Variants in UPF3A observed in about 807,000 individuals in gnomAD.
The protein encoded by UPF3A is regulator of nonsense transcripts 3A.
UPF3A carries 42 observed loss-of-function variants against 53.5 expected under a neutral mutation model. That is an observed-to-expected ratio of 0.78 (90% CI 0.61 to 1.01). UPF3A has a LOEUF of 1.01. UPF3A is among the 50% of genes least tolerant of loss of function. UPF3A has a pLI of 0.00. For synonymous variants in UPF3A, 237 were observed against 225.3 expected (o/e 1.05, Z -0.47); for missense variants, 575 against 598.0 (o/e 0.96, Z 0.40).
chr13:114,293,639 T>C (rs1476372064), intron 7 of UPF3A, among the ~76,000 whole-genome samples: 1 of 152,168 alleles, frequency 6.6e-6, no homozygotes, highest in Admixed American at 6.5e-5. Flanking sequence ...TCCTCAGTAC[T>C]AAACCTAGAT....
rs149323560 is a variant in UPF3A, at chr13:114,291,653, G to T, written c.707G>T (p.Arg236Leu). Residue 236 changes from arginine (R) to leucine (L), a missense_variant, in exon 7 of 10, where the codon CGA becomes CTA. Coordinates refer to ENST00000375299, the MANE Select transcript of UPF3A (RefSeq NM_023011.4). ...LEKQRIREEK[R>L]EERRRRELEK... is the part of the protein sequence containing the mutation. ...CTTTAGAGAATTCGAGAAGAGAAGC[G>T]AGAAGAACGGAGGAGGAGAGAGTTA... 1.2e-6 allele frequency: 2 copies of T among 1,604,804 alleles called. No individual in the cohort carries two copies. The highest frequency in any genetic ancestry group is 1.1e-5 in the South Asian group (1 of 87,752).
At chr13:114,286,461 A>G (rs2084700360) in intron 4 of UPF3A, 58 bp from the exon 5 acceptor site, 1 of 1,612,044 alleles carries the variant, frequency 6.2e-7, no homozygotes, top group Admixed American at 1.7e-5. Context: ...GAGCAAATGT[A>G]ATTCTCCCGT....
chr13:114,297,132 C>CT (rs1424378260), intron 7 of UPF3A, among the ~76,000 whole-genome samples: 1 of 152,004 alleles, frequency 6.6e-6, no homozygotes, highest in Non-Finnish European at 1.5e-5. Context: ...TGTGTATGGT[C>CT]TTGCTATGCT....
Position 114,305,130 on chromosome 13 carries a change from C to T in UPF3A, c.*213C>T. ...AGAATTCTCACAGATTTTACCATTC[C>T]TGTTATAAACTAGTATTTGTTGTTT... On this transcript the variant is annotated 3_prime_UTR_variant, in exon 10 of 10. Transcript: ENST00000375299. The T allele has an allele frequency of 1.9e-6, 1 of 521,342 alleles. No individual in the cohort carries two copies. The highest frequency in any genetic ancestry group is 3.5e-6 in the Non-Finnish European group (1 of 287,380). 32.3% of individuals were successfully genotyped at this position (521,342 alleles called of 1,614,324 possible). A position where few individuals can be genotyped will look rare whatever the true frequency, so the allele number is the denominator to read the frequency against.
Position 114,286,567 on chromosome 13 carries a change from A to C in UPF3A, c.569A>C (p.Lys190Thr). 6.2e-7 allele frequency: 1 copy of C among 1,614,102 alleles called. No homozygotes were observed. Among genetic ancestry groups the C allele is most frequent in the Non-Finnish European group, 8.5e-7 (1 of 1,179,966 alleles). Residue 190 changes from lysine (K) to threonine (T), a missense_variant, in exon 5 of 10, where the codon AAG becomes ACG. This residue lies in a region of UPF3A where 323 missense variants were observed against 415.2 expected (regional missense o/e 0.78). Coordinates refer to ENST00000375299, the MANE Select transcript of UPF3A (RefSeq NM_023011.4). ...FLETYCVEEE[K>T]TSANPETLLG... ...GAAACCTACTGTGTGGAGGAAGAGA[A>C]GACCAGTGCCAACCCTGAGACTCTG... is the stretch of plus-strand genomic sequence containing the variant.
In UPF3A at chr13:114,304,832, G is replaced by A. The variant is rs370142973; in HGVS notation, c.1346G>A (p.Arg449Gln). Residue 449 changes from arginine to glutamine, a missense_variant, in exon 10 of 10, where the codon CGA (arginine) becomes CAA (glutamine). Physicochemically the swap from Arg to Gln is conservative, Grantham distance 43. Coordinates refer to ENST00000375299, the MANE Select transcript of UPF3A (RefSeq NM_023011.4). ...CTGTATGATCCAGGAGCTCGCTTCC[G>A]AGCGCGAGAGTGTGGCGGAAACAGG... Reference protein sequence around the residue: ...LQLYDPGARFRARECGGNRRI... With the variant: ...LQLYDPGARFQARECGGNRRI... 1.1e-5 allele frequency: 18 copies of A among 1,613,716 alleles called. No homozygotes were observed. Among genetic ancestry groups the A allele is most frequent in the East Asian group, 2.2e-5 (1 of 44,882 alleles).
At chr13:114,296,336 C>T (rs989127398) in intron 7 of UPF3A, among the ~76,000 whole-genome samples, 14 of 152,040 alleles carry the variant, frequency 9.2e-5, no homozygotes, top group Non-Finnish European at 2.1e-4. Flanking sequence ...GAGCCGAGAT[C>T]GCGTCACTGC....
chr13:114,281,634 T>G lies in UPF3A; in HGVS notation c.-6T>G, dbSNP rs777640287. The stretch of plus-strand genomic sequence containing the variant: ...CTGGCGGCTGCGGCTCGGCGGAGAG[T>G]GCGGCATGCGCTCGGAAAAGGAGGG... On this transcript the variant is annotated 5_prime_UTR_variant, in exon 1 of 10. Transcript: ENST00000375299. The G allele has an allele frequency of 5.7e-5, 82 of 1,442,610 alleles. No homozygotes were observed. The East Asian group carries it at 9.8e-4, about 17-fold the overall frequency. The allele number at this position is 1,442,610 out of a possible 1,614,324, so 89.4% of individuals were successfully genotyped here. A position where few individuals can be genotyped will look rare whatever the true frequency, so the allele number is the denominator to read the frequency against.
intron 5 of UPF3A, among the ~76,000 whole-genome samples, chr13:114,287,911 A>G (rs2084887655): frequency 1.3e-5 from 2 of 152,212 alleles, no homozygotes; most frequent in Admixed American, 6.5e-5. Flanking sequence ...AGTTCAGGCC[A>G]TTCTTCTGCC....
rs1200609834 is a variant in UPF3A, at chr13:114,304,988, G to A, written c.*71G>A. The A allele has an allele frequency of 6.5e-7, 1 of 1,542,510 alleles. No individual in the cohort carries two copies. Among genetic ancestry groups the A allele is most frequent in the African/African-American group, 1.4e-5 (1 of 72,350 alleles). ...GAAACGTGTAAATGACCCCGAGTGT[G>A]ACTGGGAAGGAGAACTTATTCCTTA... is the stretch of plus-strand genomic sequence containing the variant. On this transcript the variant is annotated 3_prime_UTR_variant, in exon 10 of 10. Transcript: ENST00000375299.
chr13:114,301,429 C>T (rs1168093531), intron 8 of UPF3A, among the ~76,000 whole-genome samples: 1 of 150,870 alleles, frequency 6.6e-6, no homozygotes, highest in Non-Finnish European at 1.5e-5. Context: ...CGCCATTTTA[C>T]TCCAGCCTGG....
Position 114,286,303 on chromosome 13 carries a change from C to T in UPF3A, c.423C>T (p.Gly141=), listed in dbSNP as rs2084683720. The change falls in exon 4 of 10, where the codon GGC becomes GGT. Residue 141 remains glycine, a splice_region_variant and synonymous_variant. Coordinates refer to ENST00000375299, the MANE Select transcript of UPF3A (RefSeq NM_023011.4). ...CTGGAACATGTTTCCTGTTAAAAGG[C>T]CTAGAATATCCTGCAGTGGTAGAGT... ...FDGYIFLDSK[G]LEYPAVVEFA... is the part of the protein sequence containing the mutation. 7 of 1,613,712 alleles carry T rather than the reference C, an allele frequency of 4.3e-6. No individual in the cohort carries two copies. Among genetic ancestry groups the T allele is most frequent in the Non-Finnish European group, 5.9e-6 (7 of 1,179,906 alleles).
chr13:114,282,848 A>G lies in UPF3A; in HGVS notation c.326A>G (p.His109Arg), dbSNP rs2139120180. The G allele has an allele frequency of 6.2e-7, 1 of 1,606,996 alleles. No individual in the cohort carries two copies. The highest frequency in any genetic ancestry group is 8.5e-7 in the Non-Finnish European group (1 of 1,175,808). Residue 109 changes from histidine to arginine, a missense_variant, in exon 3 of 10, where the codon CAT becomes CGT. Transcript: ENST00000375299. ...ATCTCTTATTTCAGTCTTTATCCTC[A>G]TCTCTACTCAAGAGCATACATTAAT... ...FFAADLSLYP[H>R]LYSRAYINFR...
rs145456901 is a variant in UPF3A at position 114,295,738 on chromosome 13, G to A, written c.847-3102G>A. 2.5e-3 allele frequency among the ~76,000 whole-genome samples: 378 copies of A among 152,336 alleles called. 3 individuals carry two copies. The highest frequency in any genetic ancestry group is 4.1e-3 in the Non-Finnish European group (278 of 68,028). On this transcript the variant is annotated intron_variant, in intron 7 of 9. Coordinates refer to ENST00000375299, the MANE Select transcript of UPF3A (RefSeq NM_023011.4). Reference sequence around the variant, plus strand: ...CTTGACCACCGTTGCCTCAGGTGGTGCATCAGGCGCAAGTTCCTTCGAGGC... The same window carrying A: ...CTTGACCACCGTTGCCTCAGGTGGTACATCAGGCGCAAGTTCCTTCGAGGC...
chr13:114,282,469 T>C (rs751899066), intron 2 of UPF3A: 25 of 985,278 alleles, frequency 2.5e-5, no homozygotes, highest in Non-Finnish European at 3.0e-5. Flanking sequence ...GGGCGCCGGC[T>C]CTTCCTGTGG....
intron 9 of UPF3A, among the ~76,000 whole-genome samples, chr13:114,302,590 G>C (rs115155954): frequency 0.012 from 1,755 of 152,242 alleles, 47 homozygotes; most frequent in South Asian, 0.086. Flanking sequence ...AGCAAACTGA[G>C]GGCTGCCTAG....
At chr13:114,290,236 C>T (rs2085139403) in intron 5 of UPF3A, among the ~76,000 whole-genome samples, 1 of 152,212 alleles carries the variant, frequency 6.6e-6, no homozygotes. Flanking sequence ...CTCTTCCCTA[C>T]AACCACAGAC....
chr13:114,281,934 G>A, intron 1 of UPF3A, 87 bp from the exon 2 acceptor site: 3 of 705,966 alleles, frequency 4.2e-6, no homozygotes, highest in Non-Finnish European at 4.7e-6. Flanking sequence ...AGGGGCGGGG[G>A]CCGGGCCTCC....
intron 7 of UPF3A, among the ~76,000 whole-genome samples, chr13:114,293,222 A>G (rs887511378): frequency 2.7e-5 from 4 of 150,606 alleles, no homozygotes; most frequent in Admixed American, 1.3e-4. Flanking sequence ...CATCTCTACT[A>G]AAAACACAAA....
Sources: gnomAD v4.1 joint callset for allele counts (sites outside exome capture counted in the v4.1 genomes callset) on GRCh38, gnomAD v4.1.1 for gene constraint, gnomAD v4.1.1 regional missense constraint, MANE v1.5 for transcripts, NCBI Gene and HGNC (gene_info 2026-07-23, HGNC 2026-07-21) for gene names.